The following PARG variants were observed in gnomAD, a reference collection of about 807,000 sequenced individuals.
The protein encoded by PARG is mitochondrial poly(ADP-ribose) glycohydrolase.
Under a neutral mutation model 113.0 loss-of-function variants are expected in PARG, and 35 were observed. That is an observed-to-expected ratio of 0.31 (90% CI 0.24 to 0.41). The LOEUF is 0.41. Among genes scored for constraint, PARG ranks in the 10% least tolerant of loss-of-function variants. The pLI, the probability that PARG is intolerant of heterozygous loss-of-function variation, is 1.00. For missense variants in PARG, 797 were observed against 1,169.4 expected (o/e 0.68, Z 4.64); for synonymous variants, 330 against 409.9 (o/e 0.81, Z 2.36).
chr10:49,843,524 A>G (rs1554832739), intron 14 of PARG, 30 bp downstream of exon 14: 3 of 1,433,330 alleles, frequency 2.1e-6, no homozygotes, highest in African/African-American at 1.4e-5. Flanking sequence ...GCTTTTAGCC[A>G]TGGAATACTG....
At chr10:49,911,109 C>G (rs1401598876) in intron 7 of PARG, among the ~76,000 whole-genome samples, 1 of 151,850 alleles carries the variant, frequency 6.6e-6, no homozygotes, top group African/African-American at 2.4e-5. Flanking sequence ...ATGGTGAAAC[C>G]CTGTCTCTAC....
At chr10:49,840,406 A>G (rs1449874614) in intron 15 of PARG, among the ~76,000 whole-genome samples, 2 of 151,780 alleles carry the variant, frequency 1.3e-5, no homozygotes, top group African/African-American at 4.8e-5. Context: ...AAAAAAAACA[A>G]AAAACACAAC....
intron 13 of PARG, among the ~76,000 whole-genome samples, chr10:49,857,036 T>G (rs1349142668): frequency 7.0e-6 from 1 of 141,890 alleles, no homozygotes; most frequent in African/African-American, 2.6e-5. Flanking sequence ...AAAAAAAAAT[T>G]CAAACTGTGG....
In PARG at chr10:49,935,129, CTT is replaced by C; in HGVS notation, c.229_230del (p.Lys77AspfsTer9). 2.6e-6 allele frequency: 2 copies of C among 768,094 alleles called. No homozygotes were observed. The highest frequency in any genetic ancestry group is 1.7e-5 in the African/African-American group (1 of 57,560). The allele number at this position is 768,094 out of a possible 1,614,324, so 47.6% of individuals were successfully genotyped here. On this transcript the variant is annotated frameshift_variant, in exon 2 of 18. Transcript: ENST00000616448. LOFTEE classifies it high-confidence loss of function. ...TAGTGTCCATCCAACTGGTAATAGT[CTT>C]TTGTTTGAAAACTATAAAAAAAAAT... ...GSATSLVFKQ[K>X]TITSWMDTKG...
intron 7 of PARG, among the ~76,000 whole-genome samples, chr10:49,886,888 C>A (rs572543361): frequency 6.6e-6 from 1 of 152,234 alleles, no homozygotes; most frequent in African/African-American, 2.4e-5. Context: ...AATAAAAAAA[C>A]TAAATTTTTA....
intron 15 of PARG, among the ~76,000 whole-genome samples, chr10:49,838,267 A>G (rs1554831509): frequency 9.9e-5 from 15 of 151,894 alleles, no homozygotes. Context: ...CCCGTCTCTA[A>G]TTAAAAATAC....
chr10:49,894,985 C>T (rs2132709027), intron 7 of PARG, among the ~76,000 whole-genome samples: 1 of 152,274 alleles, frequency 6.6e-6, no homozygotes, highest in East Asian at 1.9e-4. Context: ...AGTCCAATCT[C>T]TAACTCCATC....
rs562410707 is a variant in PARG, at chr10:49,818,332, C to G, written c.*1008G>C. 1.3e-5 allele frequency: 2 copies of G among 152,594 alleles called. No homozygotes were observed. Among genetic ancestry groups the G allele is most frequent in the South Asian group, 4.2e-4 (2 of 4,810 alleles). The allele number at this position is 152,594 out of a possible 1,614,324, so 9.5% of individuals were successfully genotyped here. ...GATTTTATGTGCTCACATATAGACACACTTAAAGAGCATACGTTTATATAT... is the reference window on the plus strand; with the variant it reads ...GATTTTATGTGCTCACATATAGACAGACTTAAAGAGCATACGTTTATATAT... On this transcript the variant is annotated 3_prime_UTR_variant, in exon 18 of 18. Coordinates refer to ENST00000616448, the MANE Select transcript of PARG (RefSeq NM_003631.5).
At position 49,836,221 on chromosome 10, in the gene PARG, C is replaced by T. The variant is rs1179499623; in HGVS notation, c.2542-3313G>A. On this transcript the variant is annotated intron_variant, in intron 15 of 17. Coordinates refer to ENST00000616448, the MANE Select transcript of PARG (RefSeq NM_003631.5). ...CTAAAGTTACTCATTTATATGAAAT[C>T]AATCTACTATACTTCTTTAACTTAA... is the stretch of plus-strand genomic sequence containing the variant. Among the ~76,000 whole-genome samples the T allele has an allele frequency of 3.4e-5, 5 of 147,666 alleles. No homozygotes were observed. The East Asian group carries it at 1.1e-3, about 31-fold the overall frequency.
At chr10:49,831,958 C>CT (rs1368151169) in intron 16 of PARG, among the ~76,000 whole-genome samples, 6 of 152,126 alleles carry the variant, frequency 3.9e-5, no homozygotes, top group Non-Finnish European at 8.8e-5. Context: ...CTTGTGGACT[C>CT]TGTTCTTAAT....
chr10:49,911,282 CAAA>C (rs1210324104), intron 7 of PARG, among the ~76,000 whole-genome samples: 10 of 88,146 alleles, frequency 1.1e-4, no homozygotes, highest in Admixed American at 3.9e-4. Flanking sequence ...GACTGTGTCT[CAAA>C]AAAAAAAAAA....
At chr10:49,821,012 TTC>T (rs1406343703) in intron 16 of PARG, among the ~76,000 whole-genome samples, 1 of 152,182 alleles carries the variant, frequency 6.6e-6, no homozygotes, top group African/African-American at 2.4e-5. Flanking sequence ...GGTTCTAATG[TTC>T]TCCTTAATCC....
intron 15 of PARG, among the ~76,000 whole-genome samples, chr10:49,838,185 C>T (rs1845038098): frequency 6.6e-6 from 1 of 152,032 alleles, no homozygotes; most frequent in African/African-American, 2.4e-5. Context: ...AATCCCGGCA[C>T]TTTGGGAGGC....
At chr10:49,926,030 A>G (rs376810722) in intron 4 of PARG, among the ~76,000 whole-genome samples, 231 of 152,342 alleles carry the variant, frequency 1.5e-3, no homozygotes, top group South Asian at 6.4e-3. Flanking sequence ...CCGGTTAGCT[A>G]AACATTTGAT....
At position 49,932,084 on chromosome 10, in the gene PARG, A is replaced by G. The variant is rs1554909916; in HGVS notation, c.1455+16T>C. ...CTTCCAGTCTTCTCTCATCATAGATAAGAGGTGCTACCTACCCGAATAGTT... is the reference window on the plus strand; with the variant it reads ...CTTCCAGTCTTCTCTCATCATAGATGAGAGGTGCTACCTACCCGAATAGTT... On this transcript the variant is annotated intron_variant, in intron 4 of 17. Coordinates refer to ENST00000616448, the MANE Select transcript of PARG (RefSeq NM_003631.5). The G allele has an allele frequency of 2.1e-6, 3 of 1,408,202 alleles. No homozygotes were observed. In the Admixed American group the frequency reaches 5.1e-5, roughly 24 times the overall value. 87.2% of individuals were successfully genotyped at this position (1,408,202 alleles called of 1,614,324 possible).
intron 16 of PARG, among the ~76,000 whole-genome samples, chr10:49,820,685 T>C (rs1238752331): frequency 6.9e-6 from 1 of 145,938 alleles, no homozygotes; most frequent in African/African-American, 2.5e-5. Context: ...ATCGCACCAC[T>C]GCACTCCAGC....
At chr10:49,852,237 G>T (rs1462658441) in intron 13 of PARG, among the ~76,000 whole-genome samples, 1 of 152,134 alleles carries the variant, frequency 6.6e-6, no homozygotes, top group African/African-American at 2.4e-5. Context: ...TAATTAGGAG[G>T]CACTATAATA....
chr10:49,906,963 G>C (rs1241571269), intron 7 of PARG, among the ~76,000 whole-genome samples: 3 of 151,904 alleles, frequency 2.0e-5, no homozygotes, highest in Admixed American at 6.5e-5. Context: ...CAGGAAAGAG[G>C]CTATGCATAT....
chr10:49,832,686 C>T (rs1178367624), intron 16 of PARG, 117 bp downstream of exon 16: 2 of 563,570 alleles, frequency 3.5e-6, no homozygotes, highest in Non-Finnish European at 6.4e-6. Context: ...TTAAATATTC[C>T]TTTTCCTTTT....
Sources: gnomAD v4.1 joint callset for allele counts (sites outside exome capture counted in the v4.1 genomes callset) on GRCh38, gnomAD v4.1.1 for gene constraint, MANE v1.5 for transcripts, NCBI Gene and HGNC (gene_info 2026-07-23, HGNC 2026-07-21) for gene names.